CATSPERT: variants seen among roughly 807,000 people sequenced by gnomAD.
CATSPERT encodes the protein cation channel sperm-associated targeting subunit tau.
At chr2:201,557,536 TA>T in the CATSPERT span, 1 of 152,186 alleles carries the variant, frequency 6.6e-6, no homozygotes, top group Non-Finnish European at 1.5e-5. Flanking sequence ...AACAACTGGC[TA>T]ATCTGTCCAA....
the CATSPERT span, among the ~76,000 whole-genome samples, chr2:201,560,457 AATAATAAT>A: frequency 2.4e-5 from 1 of 41,136 alleles, no homozygotes; most frequent in African/African-American, 7.3e-5. Flanking sequence ...TAATAATAAT[AATAATAAT>A]AATAACAACA....
At chr2:201,529,323 G>A in the CATSPERT span, among the ~76,000 whole-genome samples, 2 of 152,066 alleles carry the variant, frequency 1.3e-5, no homozygotes, top group African/African-American at 4.8e-5. Context: ...AAAGCTAGAT[G>A]CATCACAACT....
At chr2:201,565,307 A>G in the CATSPERT span, among the ~76,000 whole-genome samples, 1 of 149,430 alleles carries the variant, frequency 6.7e-6, no homozygotes, top group African/African-American at 2.4e-5. Flanking sequence ...CTCGTCTCAA[A>G]AAAAAAAAAA....
the CATSPERT span, among the ~76,000 whole-genome samples, chr2:201,596,272 C>T: frequency 6.6e-6 from 1 of 152,140 alleles, no homozygotes; most frequent in Non-Finnish European, 1.5e-5. Context: ...CATATCCTTT[C>T]CAGGGGCATG....
the CATSPERT span, chr2:201,492,516 A>T: frequency 1.3e-6 from 2 of 1,536,052 alleles, no homozygotes; most frequent in Admixed American, 3.9e-5. Context: ...GTTCTAGTTC[A>T]TGAAAAGATA....
the CATSPERT span, chr2:201,601,814 C>T: frequency 8.1e-6 from 13 of 1,611,244 alleles, no homozygotes; most frequent in African/African-American, 1.7e-4. Flanking sequence ...GCAAGCTACA[C>T]ATTTTTGTAC....
chr2:201,489,497 CCT>C, the CATSPERT span, among the ~76,000 whole-genome samples: 7 of 151,826 alleles, frequency 4.6e-5, no homozygotes, highest in African/African-American at 1.5e-4. Context: ...ATATTTATAC[CCT>C]GTCACTATAT....
the CATSPERT span, among the ~76,000 whole-genome samples, chr2:201,536,682 T>C: frequency 6.6e-6 from 1 of 152,004 alleles, no homozygotes; most frequent in Admixed American, 6.6e-5. Flanking sequence ...CAAGGAATGA[T>C]ACCATAAATC....
the CATSPERT span, among the ~76,000 whole-genome samples, chr2:201,564,658 G>A: frequency 1.3e-5 from 2 of 152,128 alleles, no homozygotes; most frequent in Non-Finnish European, 2.9e-5. Flanking sequence ...GTACTCTTAT[G>A]ATAAGAGACA....
At chr2:201,574,122 A>G in the CATSPERT span, 6 of 932,568 alleles carry the variant, frequency 6.4e-6, no homozygotes, top group Admixed American at 1.2e-4. Flanking sequence ...ATTTTAAACA[A>G]TTGTTCAAAC....
chr2:201,519,597 G>A, the CATSPERT span, among the ~76,000 whole-genome samples: 1 of 151,466 alleles, frequency 6.6e-6, no homozygotes, highest in African/African-American at 2.4e-5. Context: ...TACAGATTGA[G>A]GATTCAATGA....
chr2:201,589,522 T>A, the CATSPERT span, among the ~76,000 whole-genome samples: 1 of 152,112 alleles, frequency 6.6e-6, no homozygotes, highest in East Asian at 1.9e-4. Context: ...CCCTATTCAA[T>A]AAATGGTGCT....
At chr2:201,530,965 T>TTTTTTTG in the CATSPERT span, among the ~76,000 whole-genome samples, 1 of 133,068 alleles carries the variant, frequency 7.5e-6, no homozygotes, top group Non-Finnish European at 1.6e-5. Context: ...TTGTGGGTTT[T>TTTTTTTG]TTTTTTTTTT....
At chr2:201,571,945 C>T in the CATSPERT span, 193 of 1,612,610 alleles carry the variant, frequency 1.2e-4, 1 homozygote, top group South Asian at 1.9e-3. Context: ...ACTTACGTCA[C>T]GGGATCTGTT....
chr2:201,510,306 T>C, the CATSPERT span, among the ~76,000 whole-genome samples: 1 of 143,106 alleles, frequency 7.0e-6, no homozygotes, highest in East Asian at 1.9e-4. Context: ...TAGCCAGGTG[T>C]GGTGGTGTGC....
chr2:201,508,750 A>G, the CATSPERT span, among the ~76,000 whole-genome samples: 11 of 151,908 alleles, frequency 7.2e-5, no homozygotes, highest in East Asian at 1.9e-3. Context: ...TCCTTTCGTG[A>G]TGGGCTCATT....
the CATSPERT span, chr2:201,535,621 T>C: frequency 9.0e-7 from 1 of 1,106,380 alleles, no homozygotes; most frequent in South Asian, 4.3e-5. Context: ...AGAGATTAAT[T>C]TGTATTACTG....
chr2:201,511,736 G>C, the CATSPERT span: 1 of 149,276 alleles, frequency 6.7e-6, no homozygotes, highest in Admixed American at 6.7e-5. Flanking sequence ...ACCTGAATCA[G>C]CTATGAGTTG....
the CATSPERT span, chr2:201,557,568 A>G: frequency 1.3e-5 from 2 of 152,230 alleles, no homozygotes; most frequent in Non-Finnish European, 2.9e-5. Flanking sequence ...ATTTATGATT[A>G]CCATCAACAA....
Sources: allele counts gnomAD v4.1 joint callset (sites outside exome capture counted in the v4.1 genomes callset), GRCh38; gene constraint gnomAD v4.1.1; transcripts MANE v1.5; gene names NCBI Gene and HGNC (gene_info 2026-07-23, HGNC 2026-07-21).